The following CEP63 variants were observed in gnomAD, a reference collection of about 807,000 sequenced individuals.
CEP63 encodes the protein centrosomal protein of 63 kDa.
In CEP63, 84 loss-of-function variants were observed where a neutral mutation model predicts 89.1. That is an observed-to-expected ratio of 0.94 (90% CI 0.79 to 1.13). The LOEUF (loss-of-function observed/expected upper bound fraction) is 1.13, where lower values mean the gene tolerates loss of function less well. Among genes scored for constraint, CEP63 ranks in the 50% most tolerant of loss-of-function variants. The probability of loss-of-function intolerance (pLI) is 0.00; values close to 1 mark genes in which losing one functional copy is unlikely to be tolerated. For missense variants in CEP63, 838 were observed against 813.3 expected, an observed-to-expected ratio of 1.03 and a Z score of -0.37; for synonymous variants, 267 against 272.5, an observed-to-expected ratio of 0.98 and a Z score of 0.20.
At chr3:134,688,389 C>T in the CEP63 span, among the ~76,000 whole-genome samples, 1 of 152,162 alleles carries the variant, frequency 6.6e-6, no homozygotes, top group Non-Finnish European at 1.5e-5. Context: ...TAGGCAGTAC[C>T]TGCAAATGGA....
At chr3:134,518,855 A>G (rs1946796877) in intron 3 of CEP63, among the ~76,000 whole-genome samples, 1 of 152,160 alleles carries the variant, frequency 6.6e-6, no homozygotes, top group South Asian at 2.1e-4. Context: ...AAGAGGATGA[A>G]CAAAGCTATT....
the CEP63 span, among the ~76,000 whole-genome samples, chr3:134,740,498 C>T: frequency 3.2e-4 from 48 of 152,104 alleles, no homozygotes; most frequent in Admixed American, 2.1e-3. Flanking sequence ...GGGGGTTCAC[C>T]GTGTTAGCCA....
the CEP63 span, among the ~76,000 whole-genome samples, chr3:134,618,006 G>A: frequency 6.6e-5 from 10 of 152,144 alleles, no homozygotes; most frequent in Admixed American, 1.3e-4. Context: ...TGGGTCTGGG[G>A]TAGGGGGTGG....
At chr3:134,731,214 G>T in the CEP63 span, among the ~76,000 whole-genome samples, 1 of 152,142 alleles carries the variant, frequency 6.6e-6, no homozygotes, top group Non-Finnish European at 1.5e-5. Flanking sequence ...AGTAGCTCAA[G>T]TCAACACATG....
chr3:134,603,339 T>C, the CEP63 span: 1 of 449,912 alleles, frequency 2.2e-6, no homozygotes. Context: ...TAGATTTACA[T>C]AGCACCTTTT....
the CEP63 span, among the ~76,000 whole-genome samples, chr3:134,704,973 T>C: frequency 0.15 from 22,953 of 152,186 alleles, 2,162 homozygotes; most frequent in Non-Finnish European, 0.21. Context: ...CCAAGAACCA[T>C]AGGTCCCAAA....
chr3:134,547,610 A>ATTTATTTTTTTTTTTTTTT, intron 9 of CEP63, 138 bp downstream of exon 9: 8 of 226,780 alleles, frequency 3.5e-5, no homozygotes, highest in Middle Eastern at 2.2e-3. Context: ...CTAAGTTCTT[A>ATTTATTTTTTTTTTTTTTT]TTTCTTTTTT....
the CEP63 span, among the ~76,000 whole-genome samples, chr3:134,769,316 T>C: frequency 1.8e-3 from 268 of 152,204 alleles, no homozygotes; most frequent in African/African-American, 5.9e-3. Flanking sequence ...GGAGGCAGAA[T>C]TGTGTTTAAA....
chr3:134,690,743 A>ATTTTTTTTTTTTTTTTTTTTTTT, the CEP63 span, among the ~76,000 whole-genome samples: 21 of 120,792 alleles, frequency 1.7e-4, 1 homozygote, highest in African/African-American at 6.2e-4. Context: ...GAAGACCAAG[A>ATTTTTTTTTTTTTTTTTTTTTTT]TTTTTTTTTT....
chr3:134,697,922 C>T, the CEP63 span, among the ~76,000 whole-genome samples: 2 of 152,220 alleles, frequency 1.3e-5, no homozygotes, highest in African/African-American at 4.8e-5. Flanking sequence ...CAGGCGGGGC[C>T]TGGAGCAGAA....
At chr3:134,515,364 T>A (rs1257954365) in intron 3 of CEP63, among the ~76,000 whole-genome samples, 1 of 152,220 alleles carries the variant, frequency 6.6e-6, no homozygotes, top group Non-Finnish European at 1.5e-5. Flanking sequence ...AGTAACTGGC[T>A]TAATTAAAAG....
intron 2 of CEP63, among the ~76,000 whole-genome samples, chr3:134,505,427 CAGTGG>C: frequency 6.6e-6 from 1 of 152,142 alleles, no homozygotes; most frequent in Non-Finnish European, 1.5e-5. Context: ...CTGTGATTGT[CAGTGG>C]AGGCTATAGC....
the CEP63 span, among the ~76,000 whole-genome samples, chr3:134,658,380 C>T: frequency 6.6e-6 from 1 of 152,110 alleles, no homozygotes; most frequent in South Asian, 2.1e-4. Flanking sequence ...AAAAAAAATA[C>T]TCTTCCAACC....
At chr3:134,679,992 G>A in the CEP63 span, among the ~76,000 whole-genome samples, 144,428 of 152,286 alleles carry the variant, frequency 0.95, 68,577 homozygotes, top group East Asian at 1. Context: ...TCAAAGTGCT[G>A]GGGATTACAA....
the CEP63 span, among the ~76,000 whole-genome samples, chr3:134,705,089 C>T: frequency 6.6e-6 from 1 of 152,134 alleles, no homozygotes; most frequent in South Asian, 2.1e-4. Context: ...CTGCAAGAGG[C>T]TAAGGGTCCC....
intron 2 of CEP63, among the ~76,000 whole-genome samples, chr3:134,504,888 T>C (rs12490835): frequency 0.67 from 101,471 of 152,004 alleles, 34,260 homozygotes; most frequent in East Asian, 0.82. Context: ...GTACTTGTTT[T>C]TACTCTGTTG....
chr3:134,669,559 G>GCTT, the CEP63 span, among the ~76,000 whole-genome samples: 1 of 152,176 alleles, frequency 6.6e-6, no homozygotes, highest in South Asian at 2.1e-4. Flanking sequence ...TGATTGATCA[G>GCTT]CTTCCGCATG....
intron 12 of CEP63, 29 bp from the exon 13 acceptor site, chr3:134,558,113 T>C (rs1004396734): frequency 1.2e-5 from 19 of 1,559,270 alleles, no homozygotes; most frequent in Middle Eastern, 1.9e-4. Flanking sequence ...TTGTACAGAT[T>C]AAGTGACTCT....
rs1454759319 is a variant in CEP63 at position 134,584,962 on chromosome 3, T to TTTTTTTGTTTTTG, written c.1207-2490_1207-2489insGTTTTTGTTTTTT. The stretch of plus-strand genomic sequence containing the variant: ...TTCTTCTAGATTTTCTAGGGTTTTT[T>TTTTTTTGTTTTTG]TTTTTTTTTTTTGCATGGAGGTGTT... On this transcript the variant is annotated intron_variant, in intron 10 of 10. Coordinates refer to the CEP63 transcript ENST00000683931. Among the ~76,000 whole-genome samples the TTTTTTTGTTTTTG allele has an allele frequency of 2.0e-3, 298 of 146,688 alleles. 18 individuals are homozygous for TTTTTTTGTTTTTG. The highest frequency in any genetic ancestry group is 7.4e-3 in the African/African-American group (291 of 39,260).
Sources: gnomAD v4.1 joint callset for allele counts (sites outside exome capture counted in the v4.1 genomes callset) on GRCh38, gnomAD v4.1.1 for gene constraint, MANE v1.5 for transcripts, NCBI Gene and HGNC (gene_info 2026-07-23, HGNC 2026-07-21) for gene names.